The following BNC2 variants were observed in gnomAD, a reference collection of about 807,000 sequenced individuals.
BNC2 encodes zinc finger protein basonuclin-2.
In BNC2, 20 loss-of-function variants were observed where a neutral mutation model predicts 76.3. The observed-to-expected ratio is 0.26, with a 90% confidence interval of 0.18 to 0.38. The LOEUF is 0.38. BNC2 is among the 10% of genes least tolerant of loss of function. The pLI is 1.00. For missense variants in BNC2, 1,382 were observed against 1,399.8 expected (o/e 0.99, Z 0.20); for synonymous variants, 582 against 514.8 (o/e 1.13, Z -1.77).
chr9:16,786,742 G>C (rs892266309), intron 1 of BNC2, among the ~76,000 whole-genome samples: 3 of 152,134 alleles, frequency 2.0e-5, no homozygotes, highest in Non-Finnish European at 2.9e-5. Context: ...GAACCCACAG[G>C]ATGACTGTGA....
At chr9:16,443,534 G>A (rs907181936) in intron 5 of BNC2, among the ~76,000 whole-genome samples, 1 of 146,816 alleles carries the variant, frequency 6.8e-6, no homozygotes, top group Non-Finnish European at 1.5e-5. Flanking sequence ...AACAGTAATT[G>A]CTGAATTAAA....
chr9:16,472,850 G>A (rs907850509), intron 5 of BNC2, among the ~76,000 whole-genome samples: 1 of 152,224 alleles, frequency 6.6e-6, no homozygotes, highest in African/African-American at 2.4e-5. Flanking sequence ...ATATGGATTT[G>A]TGGATCGTGC....
At chr9:16,534,426 C>T (rs1032634097) in intron 5 of BNC2, among the ~76,000 whole-genome samples, 1 of 152,100 alleles carries the variant, frequency 6.6e-6, no homozygotes, top group Admixed American at 6.5e-5. Flanking sequence ...CTCTCTTCCT[C>T]CTTCATTACC....
chr9:16,528,571 T>G (rs1476127244), intron 5 of BNC2, among the ~76,000 whole-genome samples: 1 of 152,208 alleles, frequency 6.6e-6, no homozygotes, highest in East Asian at 1.9e-4. Flanking sequence ...AAGTGGCAGA[T>G]GTCATATTTA....
intron 5 of BNC2, among the ~76,000 whole-genome samples, chr9:16,524,485 A>G (rs1817729690): frequency 6.6e-6 from 1 of 151,164 alleles, no homozygotes; most frequent in Non-Finnish European, 1.5e-5. Context: ...TCCTGTTTCC[A>G]TTTCCTGTTT....
At chr9:16,544,134 T>C (rs545800733) in intron 5 of BNC2, among the ~76,000 whole-genome samples, 2 of 152,326 alleles carry the variant, frequency 1.3e-5, no homozygotes, top group Non-Finnish European at 2.9e-5. Flanking sequence ...CTGAATATTT[T>C]TGTAGTTTAT....
At chr9:16,837,008 A>C (rs1420005794) in intron 1 of BNC2, among the ~76,000 whole-genome samples, 1 of 152,172 alleles carries the variant, frequency 6.6e-6, no homozygotes, top group Non-Finnish European at 1.5e-5. Flanking sequence ...AATTTACCAC[A>C]TCATAAATTC....
intron 3 of BNC2, among the ~76,000 whole-genome samples, chr9:16,618,319 T>C (rs556510141): frequency 1.6e-4 from 25 of 152,324 alleles, no homozygotes; most frequent in African/African-American, 5.8e-4. Context: ...CTATTCTACG[T>C]AGATTTCAGT....
intron 3 of BNC2, among the ~76,000 whole-genome samples, chr9:16,679,958 A>C (rs1423784313): frequency 6.6e-6 from 1 of 152,162 alleles, no homozygotes; most frequent in African/African-American, 2.4e-5. Context: ...AAACTTTTCC[A>C]CAGGGATCTG....
At chr9:16,486,898 T>C (rs1417907613) in intron 5 of BNC2, among the ~76,000 whole-genome samples, 1 of 152,080 alleles carries the variant, frequency 6.6e-6, no homozygotes, top group Non-Finnish European at 1.5e-5. Flanking sequence ...ATTTTTTTTA[T>C]AGAGATAACG....
rs916090860 is a variant in BNC2, at chr9:16,682,078, G to T, written c.330+45719C>A. On this transcript the variant is annotated intron_variant, in intron 3 of 6. Coordinates refer to ENST00000380672, the MANE Select transcript of BNC2 (RefSeq NM_017637.6). Reference sequence around the variant, plus strand: ...TTTTATTTGGGGGGATGTTGTGGATGTATCTGTGAAGGAAACAACCTTTTT... The same window carrying T: ...TTTTATTTGGGGGGATGTTGTGGATTTATCTGTGAAGGAAACAACCTTTTT... Among the ~76,000 whole-genome samples the T allele has an allele frequency of 5.3e-5, 8 of 151,998 alleles. No homozygotes were observed. The South Asian group carries it at 1.5e-3, about 28-fold the overall frequency.
At chr9:16,762,731 C>T (rs1447078364) in intron 1 of BNC2, among the ~76,000 whole-genome samples, 1 of 152,182 alleles carries the variant, frequency 6.6e-6, no homozygotes, top group Non-Finnish European at 1.5e-5. Flanking sequence ...GCTTAAGGTC[C>T]TCTGTCAACT....
intron 1 of BNC2, among the ~76,000 whole-genome samples, chr9:16,765,357 A>G (rs541125901): frequency 6.6e-6 from 1 of 152,330 alleles, no homozygotes; most frequent in East Asian, 1.9e-4. Flanking sequence ...TTTAAGATCT[A>G]TTTTGGAGAA....
chr9:16,866,635 T>C lies in BNC2; in HGVS notation c.3+4011A>G, dbSNP rs150266540. ...TTAGCTGACGCCTTGACTGTTCTTGTAGAAAGTTCTTTTGCTTCTGTCACT... is the reference window on the plus strand; with the variant it reads ...TTAGCTGACGCCTTGACTGTTCTTGCAGAAAGTTCTTTTGCTTCTGTCACT... On this transcript the variant is annotated intron_variant, in intron 1 of 6. Transcript: ENST00000380672. Among the ~76,000 whole-genome samples, 60 of 143,966 alleles carry C rather than the reference T, an allele frequency of 4.2e-4. No homozygotes were observed. The East Asian group carries it at 0.011, about 26-fold the overall frequency. The allele number at this position is 143,966 out of a possible 152,430, so 94.4% of individuals were successfully genotyped here. A position where few individuals can be genotyped will look rare whatever the true frequency, so the allele number is the denominator to read the frequency against.
intron 5 of BNC2, among the ~76,000 whole-genome samples, chr9:16,511,559 C>G (rs190022133): frequency 1.3e-5 from 2 of 150,596 alleles, no homozygotes; most frequent in African/African-American, 2.4e-5. Context: ...TCCCAAGTAG[C>G]TGGGACTATA....
chr9:16,834,084 A>G (rs1289342883), intron 1 of BNC2, among the ~76,000 whole-genome samples: 1 of 152,080 alleles, frequency 6.6e-6, no homozygotes, highest in South Asian at 2.1e-4. Context: ...CTGACCCCAC[A>G]AACTCCAGTT....
At position 16,526,026 on chromosome 9, in the gene BNC2, A is replaced by G. The variant is rs551695484; in HGVS notation, c.669+26504T>C. 3.9e-5 allele frequency among the ~76,000 whole-genome samples: 6 copies of G among 152,122 alleles called. No homozygotes were observed. In the East Asian group the frequency reaches 1.2e-3, roughly 29 times the overall value. On this transcript the variant is annotated intron_variant, in intron 5 of 6. Transcript: ENST00000380672. ...CTTATTTTATCATTCTATCTACTAG[A>G]TACTGTATATAAGTTCCTACAGACA...
intron 1 of BNC2, among the ~76,000 whole-genome samples, chr9:16,824,159 A>G (rs1221398362): frequency 6.6e-6 from 1 of 152,174 alleles, no homozygotes; most frequent in African/African-American, 2.4e-5. Flanking sequence ...GACCGCTACC[A>G]TTATCACTAA....
chr9:16,829,343 A>G (rs1818527390), intron 1 of BNC2, among the ~76,000 whole-genome samples: 1 of 152,066 alleles, frequency 6.6e-6, no homozygotes, highest in South Asian at 2.1e-4. Flanking sequence ...TACCAAATGA[A>G]TGGTTTTGCT....
Sources: gnomAD v4.1 joint callset for allele counts (sites outside exome capture counted in the v4.1 genomes callset) on GRCh38, gnomAD v4.1.1 for gene constraint, MANE v1.5 for transcripts, NCBI Gene and HGNC (gene_info 2026-07-23, HGNC 2026-07-21) for gene names.